Variants in B3GLCT observed in about 807,000 individuals in gnomAD.
B3GLCT encodes the protein beta-1,3-glucosyltransferase.
B3GLCT carries 65 observed loss-of-function variants against 63.4 expected under a neutral mutation model. That is an observed-to-expected ratio of 1.03 (90% CI 0.84 to 1.26). B3GLCT has a LOEUF of 1.26. Among genes scored for constraint, B3GLCT ranks in the 50% most tolerant of loss-of-function variants. The pLI is 0.00. For missense variants in B3GLCT, 577 were observed against 604.8 expected, an observed-to-expected ratio of 0.95 and a Z score of 0.48; for synonymous variants, 233 against 219.2, an observed-to-expected ratio of 1.06 and a Z score of -0.55.
At chr13:31,253,618 A>AAAAAAAC (rs1555249042) in intron 6 of B3GLCT, among the ~76,000 whole-genome samples, 2 of 82,314 alleles carry the variant, frequency 2.4e-5, no homozygotes, top group East Asian at 6.1e-4. Flanking sequence ...AAAAAAAAAA[A>AAAAAAAC]AAACTAGAGA....
At chr13:31,204,417 G>T (rs1473598240) in intron 1 of B3GLCT, among the ~76,000 whole-genome samples, 1 of 152,168 alleles carries the variant, frequency 6.6e-6, no homozygotes, top group African/African-American at 2.4e-5. Flanking sequence ...AAACTGTGGG[G>T]TAAGGGTCAA....
intron 1 of B3GLCT, among the ~76,000 whole-genome samples, chr13:31,210,899 C>T (rs1346517551): frequency 6.6e-6 from 1 of 152,064 alleles, no homozygotes; most frequent in East Asian, 1.9e-4. Flanking sequence ...TGTGCACTAG[C>T]AAGCCTGGCT....
At position 31,274,560 on chromosome 13, in the gene B3GLCT, C is replaced by T. The variant is rs755825132; in HGVS notation, c.712C>T (p.Pro238Ser). ...KGGGPPLTPV[P>S]EFCTNDVDFY... The stretch of plus-strand genomic sequence containing the variant: ...CGGAGGACCTCCCCTGACCCCAGTG[C>T]CTGAGTTTTGTACCAATGACGTGGA... The change falls in exon 9 of 15, where the codon CCT (proline) becomes TCT (serine). Residue 238 changes from proline to serine, a missense_variant. Physicochemically the swap from Pro to Ser is moderately conservative, Grantham distance 74. Coordinates refer to ENST00000343307, the MANE Select transcript of B3GLCT (RefSeq NM_194318.4). 3 of 1,614,196 alleles carry T rather than the reference C, an allele frequency of 1.9e-6. No homozygotes were observed. The highest frequency in any genetic ancestry group is 2.5e-6 in the Non-Finnish European group (3 of 1,180,026).
chr13:31,244,830 A>G (rs776358732), intron 4 of B3GLCT, among the ~76,000 whole-genome samples: 4 of 152,210 alleles, frequency 2.6e-5, no homozygotes, highest in Non-Finnish European at 1.5e-5. Flanking sequence ...AAATTTATTT[A>G]CAATTAAGAT....
chr13:31,288,754 C>T (rs1606180), intron 12 of B3GLCT, among the ~76,000 whole-genome samples: 107,400 of 151,934 alleles, frequency 0.71, 38,843 homozygotes, highest in Middle Eastern at 0.8. Flanking sequence ...AAATATTCTC[C>T]CCTACAAAAG....
chr13:31,229,154 A>G, intron 3 of B3GLCT, 31 bp from the exon 4 acceptor site: 1 of 1,377,692 alleles, frequency 7.3e-7, no homozygotes, highest in Non-Finnish European at 1.0e-6. Flanking sequence ...TGTAAAAAGA[A>G]ATACCTGAAA....
intron 7 of B3GLCT, among the ~76,000 whole-genome samples, chr13:31,268,487 T>C (rs1475517055): frequency 6.6e-6 from 1 of 152,186 alleles, no homozygotes; most frequent in African/African-American, 2.4e-5. Context: ...CAAGGAAGTT[T>C]CCATTTACTC....
chr13:31,262,845 TA>T (rs1326987914), intron 7 of B3GLCT, among the ~76,000 whole-genome samples: 1 of 152,180 alleles, frequency 6.6e-6, no homozygotes, highest in Non-Finnish European at 1.5e-5. Context: ...CTTAGTTTTA[TA>T]GTATAGAAAG....
intron 8 of B3GLCT, among the ~76,000 whole-genome samples, chr13:31,269,557 T>C (rs891186789): frequency 6.6e-6 from 1 of 152,126 alleles, no homozygotes; most frequent in African/African-American, 2.4e-5. Flanking sequence ...TCTAAAAAAA[T>C]GCAAAAATGT....
intron 12 of B3GLCT, among the ~76,000 whole-genome samples, chr13:31,301,101 G>T (rs1483448674): frequency 1.3e-5 from 2 of 152,160 alleles, no homozygotes; most frequent in South Asian, 2.1e-4. Flanking sequence ...TTGCAAAGGG[G>T]GTTTCATCAA....
intron 6 of B3GLCT, among the ~76,000 whole-genome samples, chr13:31,257,251 CA>C (rs967034170): frequency 1.3e-5 from 2 of 152,010 alleles, no homozygotes; most frequent in Admixed American, 1.3e-4. Context: ...AGACAGTTTT[CA>C]AAATATACTG....
intron 3 of B3GLCT, among the ~76,000 whole-genome samples, chr13:31,227,635 G>A (rs980347874): frequency 3.3e-5 from 5 of 152,146 alleles, no homozygotes; most frequent in African/African-American, 7.2e-5. Context: ...ATTTTATTTA[G>A]TTTTAACCAA....
At chr13:31,278,548 A>G (rs1053793418) in intron 10 of B3GLCT, among the ~76,000 whole-genome samples, 11 of 152,202 alleles carry the variant, frequency 7.2e-5, no homozygotes, top group Non-Finnish European at 1.3e-4. Context: ...TGAAGTTTTC[A>G]TATTTGGGTT....
At chr13:31,246,139 A>G (rs1193346335) in intron 4 of B3GLCT, among the ~76,000 whole-genome samples, 1 of 152,178 alleles carries the variant, frequency 6.6e-6, no homozygotes, top group East Asian at 1.9e-4. Context: ...CTTGTTCTTG[A>G]ATTCTTTTGT....
intron 7 of B3GLCT, among the ~76,000 whole-genome samples, chr13:31,268,810 C>G (rs1349066555): frequency 6.6e-6 from 1 of 152,206 alleles, no homozygotes; most frequent in Non-Finnish European, 1.5e-5. Flanking sequence ...CCATAAAACC[C>G]AGCAAGATTC....
chr13:31,283,941 A>C (rs1481642051), intron 10 of B3GLCT, among the ~76,000 whole-genome samples: 1 of 152,230 alleles, frequency 6.6e-6, no homozygotes, highest in Non-Finnish European at 1.5e-5. Flanking sequence ...ATAGAAGAAA[A>C]GAATTACTTG....
chr13:31,253,984 T>C (rs1435638757), intron 6 of B3GLCT, among the ~76,000 whole-genome samples: 1 of 152,036 alleles, frequency 6.6e-6, no homozygotes, highest in African/African-American at 2.4e-5. Flanking sequence ...CAAGAAGAAG[T>C]CGAATCCCTG....
intron 4 of B3GLCT, among the ~76,000 whole-genome samples, chr13:31,233,944 A>T (rs1331187202): frequency 6.6e-6 from 1 of 152,104 alleles, no homozygotes; most frequent in East Asian, 1.9e-4. Flanking sequence ...AACAAGACAT[A>T]GTCTTGGTAC....
chr13:31,262,159 T>C (rs2137832593), intron 7 of B3GLCT, among the ~76,000 whole-genome samples: 1 of 151,684 alleles, frequency 6.6e-6, no homozygotes, highest in African/African-American at 2.4e-5. Flanking sequence ...AGTCTGAAGC[T>C]CCTACGCTGC....
Sources: gnomAD v4.1 joint callset for allele counts (sites outside exome capture counted in the v4.1 genomes callset) on GRCh38, gnomAD v4.1.1 for gene constraint, MANE v1.5 for transcripts, NCBI Gene and HGNC (gene_info 2026-07-23, HGNC 2026-07-21) for gene names.